GTPBP6: variants seen among roughly 807,000 people sequenced by gnomAD.
GTPBP6 encodes the protein GTP binding protein 6, also known as putative GTP-binding protein 6.
Under a neutral mutation model 28.9 loss-of-function variants are expected in GTPBP6, and 33 were observed. That is an observed-to-expected ratio of 1.14 (90% CI 0.87 to 1.53). The LOEUF is 1.53. Ranked by LOEUF, GTPBP6 falls within the 40% of genes most tolerant of loss-of-function variation. The pLI, the probability that GTPBP6 is intolerant of heterozygous loss-of-function variation, is 0.00. For synonymous variants in GTPBP6, 231 were observed against 192.7 expected, an observed-to-expected ratio of 1.20 and a Z score of -1.65; for missense variants, 507 against 408.3, an observed-to-expected ratio of 1.24 and a Z score of -2.08.
chrX:304,878 G>A, exon 10 of GTPBP6: 1 of 1,435,346 alleles, frequency 7.0e-7, no homozygotes, highest in South Asian at 1.5e-5. Context: ...CGCTCGGGCG[G>A]CCCGCTTTGG....
chrX:313,382 G>A (rs1427587945), intron 5 of GTPBP6, among the ~76,000 whole-genome samples: 1 of 152,164 alleles, frequency 6.6e-6, no homozygotes, highest in Non-Finnish European at 1.5e-5. Context: ...CTTCTAAGAA[G>A]CAGAGACCGG....
At chrX:313,558 T>A (rs1358398683) in intron 5 of GTPBP6, among the ~76,000 whole-genome samples, 1 of 152,088 alleles carries the variant, frequency 6.6e-6, no homozygotes, top group Non-Finnish European at 1.5e-5. Context: ...AACTGGTCAA[T>A]GGGACCTTAT....
exon 2 of GTPBP6, chrX:316,987 C>G (rs1227981747): frequency 0.015 from 5,804 of 398,680 alleles, 282 homozygotes; most frequent in African/African-American, 0.11. Flanking sequence ...CGACCATTGT[C>G]TGCACCACGG....
intron 4 of GTPBP6, among the ~76,000 whole-genome samples, chrX:314,559 A>G (rs1224027377): frequency 1.3e-4 from 19 of 148,606 alleles, no homozygotes; most frequent in South Asian, 4.3e-4. Flanking sequence ...TGCAAGCTCC[A>G]CCTCTGGGGT....
chrX:307,303 A>G, intron 9 of GTPBP6, 57 bp downstream of exon 9: 2 of 1,555,656 alleles, frequency 1.3e-6, no homozygotes, highest in Non-Finnish European at 1.8e-6. Flanking sequence ...CCCGTTTCAG[A>G]GCCAGAGACA....
intron 6 of GTPBP6, 90 bp from the exon 7 acceptor site, chrX:311,717 C>T: frequency 9.1e-7 from 1 of 1,101,664 alleles, no homozygotes; most frequent in Admixed American, 1.8e-5. Context: ...GAGACCACGG[C>T]ACCCTCTGGG....
intron 5 of GTPBP6, 94 bp from the exon 6 acceptor site, chrX:313,018 TGCTCCC>T: frequency 9.1e-7 from 1 of 1,098,964 alleles, no homozygotes; most frequent in South Asian, 1.5e-5. Flanking sequence ...GCCCGGGGCC[TGCTCCC>T]GCTCCAGCAT....
chrX:311,589 C>G lies in GTPBP6; in HGVS notation c.955G>C (p.Ala319Pro), dbSNP rs190872190. 12 of 1,612,020 alleles carry G rather than the reference C, an allele frequency of 7.4e-6. No homozygotes were observed. The African/African-American group carries it at 1.6e-4, about 22-fold the overall frequency. ...AACAGCTGGTCCCGTGGCTGGATGG[C>G]GGCATCGCCCGTCAGTGCCTTGATC... Residue 319 changes from alanine (A) to proline (P), a missense_variant, in exon 7 of 10, where the codon GCC becomes CCC. Transcript: ENST00000326153.
At chrX:317,422 G>C (rs2070457731) in intron 1 of GTPBP6, among the ~76,000 whole-genome samples, 2 of 151,998 alleles carry the variant, frequency 1.3e-5, no homozygotes, top group African/African-American at 4.8e-5. Flanking sequence ...GGCTTCATCT[G>C]TTCCAGGAAT....
intron 7 of GTPBP6, among the ~76,000 whole-genome samples, chrX:308,622 G>A (rs1410395584): frequency 6.6e-6 from 1 of 151,970 alleles, no homozygotes; most frequent in Admixed American, 6.6e-5. Flanking sequence ...CGAGGCTGCA[G>A]TGAGCCGAGA....
intron 1 of GTPBP6, 104 bp downstream of exon 1, chrX:318,334 TC>T (rs1290931544): frequency 1.1e-4 from 41 of 380,200 alleles, no homozygotes; most frequent in African/African-American, 9.2e-4. Flanking sequence ...GATCGTCCCT[TC>T]AGAGCCCCGC....
intron 1 of GTPBP6, 45 bp from the exon 2 acceptor site, chrX:317,096 G>GC (rs1229724860): frequency 2.9e-6 from 1 of 340,688 alleles, no homozygotes; most frequent in Non-Finnish European, 4.8e-6. Flanking sequence ...TCTGCCCGGG[G>GC]CCCCCGTCCA....
chrX:305,142 C>T (rs1224274631), exon 10 of GTPBP6: 1 of 1,613,660 alleles, frequency 6.2e-7, no homozygotes, highest in Non-Finnish European at 8.5e-7. Flanking sequence ...ACGTCGGCCG[C>T]CCCGTCCTCA....
intron 7 of GTPBP6, among the ~76,000 whole-genome samples, chrX:309,982 G>A (rs1487147098): frequency 2.4e-4 from 34 of 143,610 alleles, no homozygotes; most frequent in Non-Finnish European, 4.3e-4. Flanking sequence ...GACAGAGGCA[G>A]AGACTGGAGT....
At chrX:315,143 T>C (rs1474531244) in intron 3 of GTPBP6, 86 bp downstream of exon 3, 2 of 396,320 alleles carry the variant, frequency 5.0e-6, no homozygotes, top group East Asian at 3.6e-5. Flanking sequence ...TCCCCATCTG[T>C]CCCCCGCCTG....
intron 7 of GTPBP6, among the ~76,000 whole-genome samples, chrX:311,115 C>T (rs1295673611): frequency 2.0e-5 from 3 of 151,144 alleles, no homozygotes; most frequent in African/African-American, 7.4e-5. Context: ...AGCCTCTCGC[C>T]CGGGGACGTG....
chrX:313,168 G>A (rs1244677309), intron 5 of GTPBP6, among the ~76,000 whole-genome samples: 1 of 152,216 alleles, frequency 6.6e-6, no homozygotes, highest in East Asian at 1.9e-4. Context: ...CCCGTGACTC[G>A]GGGAGAAAGT....
intron 1 of GTPBP6, 38 bp from the exon 2 acceptor site, chrX:317,089 G>A (rs1198914734): frequency 8.8e-6 from 3 of 339,032 alleles, no homozygotes; most frequent in Non-Finnish European, 9.6e-6. Flanking sequence ...AGACGCTTCT[G>A]CCCGGGGCCC....
intron 4 of GTPBP6, among the ~76,000 whole-genome samples, chrX:314,536 G>C (rs753961977): frequency 4.0e-5 from 6 of 151,448 alleles, no homozygotes; most frequent in Non-Finnish European, 8.8e-5. Context: ...GCAGTGGCGT[G>C]ATCTCGGCTC....
Sources: gnomAD v4.1 joint callset for allele counts (sites outside exome capture counted in the v4.1 genomes callset) on GRCh38, gnomAD v4.1.1 for gene constraint, MANE v1.5 for transcripts, NCBI Gene and HGNC (gene_info 2026-07-23, HGNC 2026-07-21) for gene names.